UTP4: variants seen among roughly 807,000 people sequenced by gnomAD.
The protein encoded by UTP4 is UTP4 small subunit processome component.
A neutral mutation model predicts 82.4 loss-of-function variants in UTP4; 45 were observed. The observed-to-expected ratio is 0.55, with a 90% CI of 0.43 to 0.70. The LOEUF is 0.70. Ranked by LOEUF, UTP4 falls within the 30% of genes least tolerant of loss-of-function variation. UTP4 has a pLI of 0.00. For synonymous variants in UTP4, 348 were observed against 300.3 expected (o/e 1.16, Z -1.64); for missense variants, 819 against 858.3 (o/e 0.95, Z 0.57).
rs201100823 is a variant in UTP4 at position 69,139,828 on chromosome 16, G to A, written c.440G>A (p.Arg147His). 19 of 1,611,530 alleles carry A rather than the reference G, an allele frequency of 1.2e-5. No individual in the cohort carries two copies. The highest frequency in any genetic ancestry group is 2.7e-5 in the African/African-American group (2 of 74,804). Residue 147 changes from arginine to histidine, a missense_variant, in exon 5 of 17, where the codon CGC (arginine) becomes CAC (histidine). Physicochemically the swap from Arg to His is conservative, Grantham distance 29 (BLOSUM62 0). Transcript: ENST00000314423. Reference protein sequence around the residue: ...FERNFDRQKSRILSLSWHPSG... With the variant: ...FERNFDRQKSHILSLSWHPSG... ...TTTTTGTTGTCCAACTCCCAAGGTC[G>A]CATCCTGAGTCTCAGCTGGCATCCC...
At chr16:69,156,154 CTTTTT>C (rs36043898) in intron 11 of UTP4, among the ~76,000 whole-genome samples, 161 bp downstream of exon 11, 7 of 130,472 alleles carry the variant, frequency 5.4e-5, no homozygotes, top group Non-Finnish European at 9.6e-5. Flanking sequence ...TTCTTTCTTT[CTTTTT>C]TTTTTTTTTT....
Position 69,136,159 on chromosome 16 carries a change from T to A in UTP4, c.160-537T>A, listed in dbSNP as rs75630898. 2.5e-3 allele frequency among the ~76,000 whole-genome samples: 379 copies of A among 152,394 alleles called. 17 individuals carry two copies. The East Asian group carries it at 0.061, about 25-fold the overall frequency. On this transcript the variant is annotated intron_variant, in intron 2 of 16. Coordinates refer to ENST00000314423, the MANE Select transcript of UTP4 (RefSeq NM_032830.3). ...CCATGTATATCTTGGCCTTTTCAAGTTGAAATAGGAAAAATTATACCTACT... is the reference window on the plus strand; with the variant it reads ...CCATGTATATCTTGGCCTTTTCAAGATGAAATAGGAAAAATTATACCTACT...
intron 10 of UTP4, among the ~76,000 whole-genome samples, chr16:69,154,672 C>T (rs1963361608): frequency 6.6e-6 from 1 of 151,596 alleles, no homozygotes; most frequent in Non-Finnish European, 1.5e-5. Context: ...ATAGGTTTCT[C>T]TTCTTTTGAT....
At chr16:69,153,164 C>G (rs1376391152) in intron 8 of UTP4, among the ~76,000 whole-genome samples, 1 of 152,178 alleles carries the variant, frequency 6.6e-6, no homozygotes, top group Non-Finnish European at 1.5e-5. Flanking sequence ...ATGTCACATG[C>G]CATCACCCTC....
intron 4 of UTP4, chr16:69,138,087 T>C (rs1297633437): frequency 3.6e-6 from 2 of 562,158 alleles, no homozygotes; most frequent in East Asian, 5.7e-5. Context: ...TAAGTAATAA[T>C]ATAGAAAACC....
At chr16:69,143,726 T>A (rs1384618177) in intron 6 of UTP4, among the ~76,000 whole-genome samples, 1 of 152,164 alleles carries the variant, frequency 6.6e-6, no homozygotes, top group Non-Finnish European at 1.5e-5. Flanking sequence ...ATGCATTTAT[T>A]TTTAATTTAA....
intron 11 of UTP4, 46 bp from the exon 12 acceptor site, chr16:69,157,038 T>C (rs1309708050): frequency 1.2e-6 from 2 of 1,604,684 alleles, no homozygotes; most frequent in Admixed American, 1.7e-5. Flanking sequence ...TGATGGGCTG[T>C]AGGTCTCCCT....
intron 5 of UTP4, among the ~76,000 whole-genome samples, chr16:69,141,434 C>G (rs1014389451): frequency 6.6e-6 from 1 of 152,218 alleles, no homozygotes; most frequent in Non-Finnish European, 1.5e-5. Context: ...GTATTATTAG[C>G]AAGTAAGCTG....
intron 6 of UTP4, among the ~76,000 whole-genome samples, chr16:69,144,381 G>C (rs1963053610): frequency 6.6e-6 from 1 of 150,824 alleles, no homozygotes; most frequent in Non-Finnish European, 1.5e-5. Context: ...ATATGTTTAG[G>C]CTTTCACCAT....
rs561863834 is a variant in UTP4, at chr16:69,133,508, T to C, written c.49T>C (p.Ser17Pro). 6.2e-7 allele frequency: 1 copy of C among 1,614,196 alleles called. No homozygotes were observed. The highest frequency in any genetic ancestry group is 2.2e-5 in the East Asian group (1 of 44,876). ...AGTACGTTTCTTTAATTATGTTCCA[T>C]CAGGAATCCGCTGTGTGGCTTACAA... is the stretch of plus-strand genomic sequence containing the variant. ...HRVRFFNYVPSGIRCVAYNNQ... is the reference protein window; with the variant it reads ...HRVRFFNYVPPGIRCVAYNNQ... Residue 17 changes from serine to proline, a missense_variant, in exon 2 of 17, where the codon TCA (serine) becomes CCA (proline). By Grantham distance (74) the Ser-to-Pro change is moderately conservative. Transcript: ENST00000314423.
chr16:69,133,615 GA>G lies in UTP4; in HGVS notation c.159del (p.Lys53AsnfsTer39). On this transcript the variant is annotated frameshift_variant and splice_region_variant, in exon 2 of 17. Transcript: ENST00000314423. LOFTEE classifies it high-confidence loss of function. ...YNLSANYFQE[K>X]FFPGHESRAT... ...ACTTGTCAGCAAACTACTTTCAGGA[GA>G]AAGTAAGTCATTTGGGAGTCTGATA... 1.2e-6 allele frequency: 2 copies of G among 1,614,090 alleles called. No individual in the cohort carries two copies. Among genetic ancestry groups the G allele is most frequent in the Non-Finnish European group, 1.7e-6 (2 of 1,179,970 alleles).
chr16:69,154,379 GT>G lies in UTP4; in HGVS notation c.1100-11del, dbSNP rs776733926. On this transcript the variant is annotated splice_polypyrimidine_tract_variant and intron_variant, in intron 9 of 16. Transcript: ENST00000314423. ...CTTTCATAAGAAAAATCTCAGGGAA[GT>G]TTCTTGTTTCAGGCAAGAATGGGGA... 6.3e-7 allele frequency: 1 copy of G among 1,598,466 alleles called. No individual in the cohort carries two copies. The highest frequency in any genetic ancestry group is 1.1e-5 in the South Asian group (1 of 90,418).
At chr16:69,156,442 G>A (rs1336062857) in intron 11 of UTP4, among the ~76,000 whole-genome samples, 2 of 142,580 alleles carry the variant, frequency 1.4e-5, no homozygotes, top group Non-Finnish European at 1.5e-5. Flanking sequence ...GGCATTACAG[G>A]CGTGAGCCAC....
At chr16:69,158,121 T>G (rs996874759) in intron 12 of UTP4, among the ~76,000 whole-genome samples, 3 of 148,016 alleles carry the variant, frequency 2.0e-5, no homozygotes, top group Non-Finnish European at 3.0e-5. Flanking sequence ...AGCTGCTGCT[T>G]CACTGTCATT....
intron 8 of UTP4, 141 bp downstream of exon 8, chr16:69,151,045 T>C (rs529611569): frequency 3.4e-5 from 24 of 711,918 alleles, no homozygotes; most frequent in African/African-American, 3.3e-4. Context: ...TTGCTCTTGT[T>C]GCCCAGGCTG....
In UTP4 at chr16:69,163,315, G is replaced by C. The variant is rs1963611730; in HGVS notation, c.1647+137G>C. 5.4e-6 allele frequency: 4 copies of C among 735,830 alleles called. No homozygotes were observed. The East Asian group carries it at 7.9e-5, about 15-fold the overall frequency. The allele number at this position is 735,830 out of a possible 1,614,324, so 45.6% of individuals were successfully genotyped here. ...GTAGTTTTCTCCTGTGTGAAGTAAA[G>C]CTTCCTTGCCGGTCTGGGCTCATCA... is the stretch of plus-strand genomic sequence containing the variant. On this transcript the variant is annotated intron_variant, in intron 14 of 16. Transcript: ENST00000314423.
At chr16:69,154,676 T>G (rs1224603922) in intron 10 of UTP4, among the ~76,000 whole-genome samples, 1 of 151,988 alleles carries the variant, frequency 6.6e-6, no homozygotes, top group Non-Finnish European at 1.5e-5. Context: ...GTTTCTCTTC[T>G]TTTGATATTA....
chr16:69,159,344 G>A (rs1963505080), intron 12 of UTP4, among the ~76,000 whole-genome samples: 1 of 151,808 alleles, frequency 6.6e-6, no homozygotes, highest in South Asian at 2.1e-4. Context: ...GCCTCCCAAA[G>A]TGCTGGGATT....
rs117150118 is a variant in UTP4 at position 69,151,848 on chromosome 16, A to G, written c.1002+944A>G. 3.6e-4 allele frequency among the ~76,000 whole-genome samples: 54 copies of G among 151,264 alleles called. No individual in the cohort carries two copies. The East Asian group carries it at 8.5e-3, about 24-fold the overall frequency. ...TAGTTTGTCTTTCAGGGTAGGCTCT[A>G]TTCTGGGTGGGAGCGGGAAAACCCA... is the stretch of plus-strand genomic sequence containing the variant. On this transcript the variant is annotated intron_variant, in intron 8 of 16. Coordinates refer to ENST00000314423, the MANE Select transcript of UTP4 (RefSeq NM_032830.3).
Sources: gnomAD v4.1 joint callset for allele counts (sites outside exome capture counted in the v4.1 genomes callset) on GRCh38, gnomAD v4.1.1 for gene constraint, MANE v1.5 for transcripts, NCBI Gene and HGNC (gene_info 2026-07-23, HGNC 2026-07-21) for gene names.